The following OXNAD1 variants were observed in gnomAD, a reference collection of about 807,000 sequenced individuals.
The protein encoded by OXNAD1 is oxidoreductase NAD-binding domain-containing protein 1.
OXNAD1 carries 34 observed loss-of-function variants against 32.9 expected under a neutral mutation model. The observed-to-expected ratio is 1.03, with a 90% CI of 0.79 to 1.38. OXNAD1 has a LOEUF of 1.38. OXNAD1 is among the 40% of genes most tolerant of loss of function. The probability of loss-of-function intolerance (pLI) is 0.00; values close to 1 mark genes in which losing one functional copy is unlikely to be tolerated. For missense variants in OXNAD1, 407 were observed against 379.4 expected (o/e 1.07, Z -0.60); for synonymous variants, 134 against 135.2 (o/e 0.99, Z 0.06).
Position 16,337,154 on chromosome 3 carries a change from GGAT to G in OXNAD1, c.*79_*81del, listed in dbSNP as rs1559831005. 1 of 152,194 alleles carries G rather than the reference GGAT, an allele frequency of 6.6e-6. No individual in the cohort carries two copies. Among genetic ancestry groups the G allele is most frequent in the African/African-American group, 2.4e-5 (1 of 41,436 alleles). 9.4% of individuals were successfully genotyped at this position (152,194 alleles called of 1,614,324 possible). A position where few individuals can be genotyped will look rare whatever the true frequency, so the allele number is the denominator to read the frequency against. On this transcript the variant is annotated 3_prime_UTR_variant, in exon 10 of 10. Transcript: ENST00000435829. The surrounding 1 kb of genome is among the most constrained non-coding windows in gnomAD (Gnocchi z 5.0). ...TGAGGACAGGCCCAGGCTAGCCTTC[GGAT>G]GATGAGAGACCTGTGGCCCTGCTAA...
In OXNAD1 at chr3:16,324,621, C is replaced by CCG. The variant is rs957893120; in HGVS notation, c.*31-12490_*31-12489insGC. Among the ~76,000 whole-genome samples, 9 of 136,614 alleles carry CCG rather than the reference C, an allele frequency of 6.6e-5. 1 individual carries two copies. The highest frequency in any genetic ancestry group is 2.4e-4 in the African/African-American group (9 of 37,714). 89.6% of individuals were successfully genotyped at this position (136,614 alleles called of 152,430 possible). ...ATAACAGAATGTCCCTGACCCCCCC[C>CCG]CTTTTAAGGTTGCATAGTATTCCAT... On this transcript the variant is annotated intron_variant, in intron 9 of 9. Transcript: ENST00000435829.
At position 16,342,794 on chromosome 3, in the gene OXNAD1, T is replaced by C. The variant is rs1223475479; in HGVS notation, c.*31-6382T>C. Among the ~76,000 whole-genome samples, 1 of 152,160 alleles carries C rather than the reference T, an allele frequency of 6.6e-6. No individual in the cohort carries two copies. The highest frequency in any genetic ancestry group is 1.5e-5 in the Non-Finnish European group (1 of 68,024). On this transcript the variant is annotated intron_variant, in intron 9 of 9. Coordinates refer to the OXNAD1 transcript ENST00000606098. The surrounding 1 kb of genome is among the most constrained non-coding windows in gnomAD (Gnocchi z 4.0). Reference sequence around the variant, plus strand: ...AACATGCATGCCCAGCTTATTCAAGTTGGAAGGGGTCAGGGTGGACCTCTA... The same window carrying C: ...AACATGCATGCCCAGCTTATTCAAGCTGGAAGGGGTCAGGGTGGACCTCTA...
In OXNAD1 at chr3:16,345,044, G is replaced by C. The variant is rs923872641; in HGVS notation, c.*31-4132G>C. 5 of 152,206 alleles carry C rather than the reference G, an allele frequency of 3.3e-5. No homozygotes were observed. Among genetic ancestry groups the C allele is most frequent in the Admixed American group, 1.3e-4 (2 of 15,278 alleles). 9.4% of individuals were successfully genotyped at this position (152,206 alleles called of 1,614,324 possible). On this transcript the variant is annotated intron_variant, in intron 9 of 9. Coordinates refer to the OXNAD1 transcript ENST00000606098. This position sits in a 1 kb window ranked among gnomAD's most constrained non-coding sequence, Gnocchi z 5.2. ...CCCCAGGAGCAAGGACCAGCTCCTG[G>C]ATAACTGCCTGCAAGAAAACAAGGA...
rs1160939614 is a variant in OXNAD1 at position 16,345,817 on chromosome 3, T to TGTGTGTGTGTGTGTGC, written c.*31-3358_*31-3357insTGTGTGTGTGTGTGCG. Among the ~76,000 whole-genome samples, 120 of 74,600 alleles carry TGTGTGTGTGTGTGTGC rather than the reference T, an allele frequency of 1.6e-3. No homozygotes were observed. Among genetic ancestry groups the TGTGTGTGTGTGTGTGC allele is most frequent in the Middle Eastern group, 6.8e-3 (1 of 148 alleles). The allele number at this position is 74,600 out of a possible 152,430, so 48.9% of individuals were successfully genotyped here. A position where few individuals can be genotyped will look rare whatever the true frequency, so the allele number is the denominator to read the frequency against. On this transcript the variant is annotated intron_variant, in intron 9 of 9. Transcript: ENST00000606098. This position sits in a 1 kb window ranked among gnomAD's most constrained non-coding sequence, Gnocchi z 5.2. Reference sequence around the variant, plus strand: ...GTGTGTGTGTGTGTGTGTGTGTGTGTGCGCGCGCGCGTGCGCGCACGCGCA... The same window carrying TGTGTGTGTGTGTGTGC: ...GTGTGTGTGTGTGTGTGTGTGTGTGTGTGTGTGTGTGTGTGCGCGCGCGCGCGTGCGCGCACGCGCA...
intron 9 of OXNAD1, chr3:16,326,886 C>T: frequency 6.2e-7 from 1 of 1,609,630 alleles, no homozygotes; most frequent in Non-Finnish European, 8.5e-7. Flanking sequence ...CCTGGGGGAA[C>T]AAGGCCAGCA....
Position 16,287,470 on chromosome 3 carries a change from T to C in OXNAD1, c.290+1022T>C, listed in dbSNP as rs2066152098. Among the ~76,000 whole-genome samples the C allele has an allele frequency of 6.6e-6, 1 of 152,372 alleles. No homozygotes were observed. The highest frequency in any genetic ancestry group is 3.4e-3 in the Middle Eastern group (1 of 294). On this transcript the variant is annotated intron_variant, in intron 5 of 8. Coordinates refer to ENST00000285083, the MANE Select transcript of OXNAD1 (RefSeq NM_138381.5). The surrounding 1 kb of genome is among the most constrained non-coding windows in gnomAD (Gnocchi z 4.8). ...TGCAATCTTTGCACATGTTCGATGATACACATTAAATGCATTTTGCCTGTT... is the reference window on the plus strand; with the variant it reads ...TGCAATCTTTGCACATGTTCGATGACACACATTAAATGCATTTTGCCTGTT...
rs1490419554 is a variant in OXNAD1, at chr3:16,327,921, C to T, written c.*31-9191C>T. ...TCCTCACTAACACTCAAAGTGTAGCCCCCACCCCTGCTCTGTGTGTAACTG... is the reference window on the plus strand; with the variant it reads ...TCCTCACTAACACTCAAAGTGTAGCTCCCACCCCTGCTCTGTGTGTAACTG... On this transcript the variant is annotated intron_variant, in intron 9 of 9. Transcript: ENST00000435829. The surrounding 1 kb of genome is among the most constrained non-coding windows in gnomAD (Gnocchi z 4.2). 7.1e-6 allele frequency among the ~76,000 whole-genome samples: 1 copy of T among 141,732 alleles called. No homozygotes were observed. Among genetic ancestry groups the T allele is most frequent in the Non-Finnish European group, 1.6e-5 (1 of 61,530 alleles). The allele number at this position is 141,732 out of a possible 152,430, so 93.0% of individuals were successfully genotyped here.
chr3:16,326,835 C>T lies in OXNAD1; in HGVS notation c.*31-10277C>T, dbSNP rs377108354. ...TGAGCTGCCAGCCATAGGCCGCCAGCGAGTTCAGCAGGGGCACGTAGTCTG... is the reference window on the plus strand; with the variant it reads ...TGAGCTGCCAGCCATAGGCCGCCAGTGAGTTCAGCAGGGGCACGTAGTCTG... On this transcript the variant is annotated intron_variant, in intron 9 of 9. Coordinates refer to the OXNAD1 transcript ENST00000435829. 9.3e-6 allele frequency: 15 copies of T among 1,613,954 alleles called. No individual in the cohort carries two copies. In the South Asian group the frequency reaches 9.9e-5, roughly 11 times the overall value.
At chr3:16,275,152 ACTT>A (rs1305430291) in intron 4 of OXNAD1, 1 of 175,862 alleles carries the variant, frequency 5.7e-6, no homozygotes, top group Non-Finnish European at 1.3e-5. Flanking sequence ...TCTTATAAGA[ACTT>A]CCAAAGACTT....
At chr3:16,315,419 A>G (rs1357960944) in intron 9 of OXNAD1, among the ~76,000 whole-genome samples, 2 of 152,182 alleles carry the variant, frequency 1.3e-5, no homozygotes, top group Non-Finnish European at 2.9e-5. Flanking sequence ...CCTGGCCTAC[A>G]AATGTTTTAT....
chr3:16,324,607 T>G (rs1444866576), intron 9 of OXNAD1, among the ~76,000 whole-genome samples: 1 of 114,478 alleles, frequency 8.7e-6, no homozygotes, highest in Non-Finnish European at 1.8e-5. Flanking sequence ...TAACAGAATG[T>G]CCCTGACCCC....
Position 16,316,376 on chromosome 3 carries a change from T to C in OXNAD1, c.*30+12784T>C. 5.2e-6 allele frequency: 1 copy of C among 191,912 alleles called. No individual in the cohort carries two copies. The highest frequency in any genetic ancestry group is 1.1e-5 in the Non-Finnish European group (1 of 94,944). The allele number at this position is 191,912 out of a possible 1,614,324, so 11.9% of individuals were successfully genotyped here. On this transcript the variant is annotated intron_variant, in intron 9 of 9. Transcript: ENST00000435829. The surrounding 1 kb of genome is among the most constrained non-coding windows in gnomAD (Gnocchi z 4.5). ...AGGGCAGCTGACAGGGCTCCTGGAGTTGTTAAGTCACCAAGTAGCTGCAGG... is the reference window on the plus strand; with the variant it reads ...AGGGCAGCTGACAGGGCTCCTGGAGCTGTTAAGTCACCAAGTAGCTGCAGG...
downstream of OXNAD1, among the ~76,000 whole-genome samples, chr3:16,310,716 G>C (rs752060098): frequency 2.6e-5 from 4 of 152,110 alleles, no homozygotes; most frequent in Admixed American, 2.6e-4. Context: ...GGGGCTGGGC[G>C]CGGTGACTCA....
At chr3:16,341,555 G>A (rs1369800654), downstream of OXNAD1, among the ~76,000 whole-genome samples, 1 of 152,118 alleles carries the variant, frequency 6.6e-6, no homozygotes, top group Non-Finnish European at 1.5e-5. The surrounding 1 kb of genome is among the most constrained non-coding windows in gnomAD (Gnocchi z 4.7). Context: ...GCTACATACT[G>A]TATGGGAACT....
rs1443257724 is a variant in OXNAD1, at chr3:16,335,537, CACTT to C, written c.*31-1572_*31-1569del. ...CAGAAAATCAAACACCACATGTTCT[CACTT>C]ACAAGTGGGAGAGCTGAACGGTGAA... On this transcript the variant is annotated intron_variant, in intron 9 of 9. Coordinates refer to the OXNAD1 transcript ENST00000435829. The surrounding 1 kb of genome is among the most constrained non-coding windows in gnomAD (Gnocchi z 4.7). Among the ~76,000 whole-genome samples the C allele has an allele frequency of 2.0e-4, 31 of 152,326 alleles. No individual in the cohort carries two copies. The highest frequency in any genetic ancestry group is 6.7e-4 in the African/African-American group (28 of 41,566).
chr3:16,307,416 G>A (rs1306825380), downstream of OXNAD1, among the ~76,000 whole-genome samples: 1 of 152,146 alleles, frequency 6.6e-6, no homozygotes, highest in African/African-American at 2.4e-5. Flanking sequence ...CATGAAGAAA[G>A]TGTTTCATAG....
At chr3:16,286,550 G>A in intron 5 of OXNAD1, 102 bp downstream of exon 5, 8 of 897,826 alleles carry the variant, frequency 8.9e-6, no homozygotes, top group Non-Finnish European at 1.4e-5. Context: ...TTCCCTTGAG[G>A]AAGAGGAATT....
downstream of OXNAD1, among the ~76,000 whole-genome samples, chr3:16,307,635 A>C (rs2125114289): frequency 6.6e-6 from 1 of 152,340 alleles, no homozygotes; most frequent in South Asian, 2.1e-4. Flanking sequence ...GTTTTAAAGA[A>C]ATTTACTATA....
intron 9 of OXNAD1, among the ~76,000 whole-genome samples, chr3:16,324,687 T>TGTGTGTGTG (rs2069514323): frequency 8.5e-6 from 1 of 118,324 alleles, no homozygotes; most frequent in Non-Finnish European, 1.8e-5. Flanking sequence ...TGTGTGTGTA[T>TGTGTGTGTG]TTTATATATA....
Sources: gnomAD v4.1 joint callset for allele counts (sites outside exome capture counted in the v4.1 genomes callset) on GRCh38, gnomAD v4.1.1 for gene constraint, Gnocchi (gnomAD v3.1) non-coding constraint, MANE v1.5 for transcripts, NCBI Gene and HGNC (gene_info 2026-07-23, HGNC 2026-07-21) for gene names.